Variants in PRKAR1A observed in about 807,000 individuals in gnomAD.
PRKAR1A encodes the protein cAMP-dependent protein kinase type I-alpha regulatory subunit.
Under a neutral mutation model 52.0 loss-of-function variants are expected in PRKAR1A, and 3 were observed. The observed-to-expected ratio is 0.06, with a 90% CI of 0.03 to 0.15. PRKAR1A has a LOEUF of 0.15. Ranked by LOEUF, PRKAR1A falls within the 10% of genes least tolerant of loss-of-function variation. PRKAR1A has a pLI of 1.00. For synonymous variants in PRKAR1A, 188 were observed against 168.4 expected (o/e 1.12, Z -0.90); for missense variants, 240 against 477.4 (o/e 0.50, Z 4.63).
At chr17:68,489,222 ATATATATG>A in the PRKAR1A span, among the ~76,000 whole-genome samples, 1 of 56,122 alleles carries the variant, frequency 1.8e-5, no homozygotes, top group Non-Finnish European at 3.0e-5. Flanking sequence ...ATATATATAT[ATATATATG>A]GAAAGTATAT....
At chr17:68,488,311 G>T in the PRKAR1A span, among the ~76,000 whole-genome samples, 17 of 152,150 alleles carry the variant, frequency 1.1e-4, no homozygotes, top group Non-Finnish European at 2.2e-4. Flanking sequence ...CAGATCTAAG[G>T]AGCTTGCACG....
At chr17:68,425,125 C>T in the PRKAR1A span, among the ~76,000 whole-genome samples, 202 of 152,348 alleles carry the variant, frequency 1.3e-3, no homozygotes, top group Admixed American at 4.4e-3. Context: ...ACAGGCTGAG[C>T]AGGTTGCTGG....
the PRKAR1A span, among the ~76,000 whole-genome samples, chr17:68,449,146 T>A: frequency 1.3e-5 from 2 of 152,248 alleles, no homozygotes; most frequent in Non-Finnish European, 2.9e-5. Context: ...TTGTCCTCAA[T>A]GAATGCAGCA....
At chr17:68,487,164 G>A in the PRKAR1A span, among the ~76,000 whole-genome samples, 19 of 152,270 alleles carry the variant, frequency 1.2e-4, no homozygotes, top group South Asian at 2.1e-4. Context: ...GAGCCACTGC[G>A]CCCGGCCTGT....
the PRKAR1A span, chr17:68,428,601 C>G: frequency 2.1e-6 from 1 of 473,470 alleles, no homozygotes; most frequent in South Asian, 2.2e-5. Flanking sequence ...GAGGGGGAGA[C>G]CATCTTGTGT....
At chr17:68,521,878 C>T (rs2085622203) in intron 2 of PRKAR1A, among the ~76,000 whole-genome samples, 1 of 151,934 alleles carries the variant, frequency 6.6e-6, no homozygotes, top group South Asian at 2.1e-4. Context: ...TTCCCTTTTA[C>T]TTCAGGCACA....
In PRKAR1A at chr17:68,524,008, T is replaced by G; in HGVS notation, c.441-8T>G. ...GAAATGTAACACGAGGCCTTCTCTC[T>G]TTTGCAGTGATATTTTTGATGCCAT... On this transcript the variant is annotated splice_polypyrimidine_tract_variant and splice_region_variant and intron_variant, in intron 4 of 10. Coordinates refer to ENST00000589228, the MANE Select transcript of PRKAR1A (RefSeq NM_002734.5). The G allele has an allele frequency of 1.2e-6, 2 of 1,614,050 alleles. No individual in the cohort carries two copies. Among genetic ancestry groups the G allele is most frequent in the African/African-American group, 1.3e-5 (1 of 75,050 alleles).
At position 68,541,451 on chromosome 17, in the gene PRKAR1A, TTC is replaced by T. The variant is rs370539982; in HGVS notation, c.974-9631_974-9630del. The T allele has an allele frequency of 4.7e-5, 9 of 190,544 alleles. No homozygotes were observed. In the East Asian group the frequency reaches 1.2e-3, roughly 26 times the overall value. The allele number at this position is 190,544 out of a possible 1,614,324, so 11.8% of individuals were successfully genotyped here. On this transcript the variant is annotated intron_variant, in intron 11 of 11. Coordinates refer to the PRKAR1A transcript ENST00000585981. ...TAGGATCTGTCATGTCCTCCAGAAATTCTGCCTGGTTACTTCTTTTCCCACGA... is the reference window on the plus strand; with the variant it reads ...TAGGATCTGTCATGTCCTCCAGAAATTGCCTGGTTACTTCTTTTCCCACGA...
the PRKAR1A span, among the ~76,000 whole-genome samples, chr17:68,434,089 G>A: frequency 4.6e-5 from 7 of 152,168 alleles, no homozygotes; most frequent in African/African-American, 1.7e-4. Flanking sequence ...ATTTATGTGA[G>A]AAGAAACAAG....
intron 11 of PRKAR1A, chr17:68,543,522 A>G (rs1272270017): frequency 2.1e-6 from 2 of 963,780 alleles, no homozygotes; most frequent in Non-Finnish European, 3.3e-6. Context: ...ATAGAAAGCC[A>G]GAAGGAAGAA....
At chr17:68,488,255 AG>A in the PRKAR1A span, among the ~76,000 whole-genome samples, 3 of 152,132 alleles carry the variant, frequency 2.0e-5, no homozygotes, top group Non-Finnish European at 4.4e-5. Context: ...GGCTGGAGAA[AG>A]GTGGGAGCAG....
At chr17:68,426,242 T>TGGGTGG in the PRKAR1A span, 1 of 669,004 alleles carries the variant, frequency 1.5e-6, no homozygotes, top group Non-Finnish European at 2.2e-6. Context: ...ACCTGGCGGG[T>TGGGTGG]GGGGAGCGGG....
At chr17:68,417,916 G>C in the PRKAR1A span, among the ~76,000 whole-genome samples, 1 of 151,650 alleles carries the variant, frequency 6.6e-6, no homozygotes, top group African/African-American at 2.4e-5. Context: ...ATTTTTAGTA[G>C]AGACGGGGTT....
At chr17:68,480,617 G>A in the PRKAR1A span, among the ~76,000 whole-genome samples, 1 of 152,132 alleles carries the variant, frequency 6.6e-6, no homozygotes, top group South Asian at 2.1e-4. Flanking sequence ...GTGCAATCAT[G>A]GCTCACTGCA....
At chr17:68,461,616 T>A in the PRKAR1A span, among the ~76,000 whole-genome samples, 12 of 152,162 alleles carry the variant, frequency 7.9e-5, 1 homozygote, top group Non-Finnish European at 1.3e-4. This position sits in a 1 kb window ranked among gnomAD's most constrained non-coding sequence, Gnocchi z 4.6. Context: ...CAGGAAATAA[T>A]CTCCTTTCTC....
At chr17:68,440,075 C>G in the PRKAR1A span, among the ~76,000 whole-genome samples, 3 of 152,276 alleles carry the variant, frequency 2.0e-5, no homozygotes, top group Admixed American at 2.0e-4. Flanking sequence ...ACACTAGATG[C>G]TAACAAGAAA....
Position 68,531,996 on chromosome 17 carries a change from A to G in PRKAR1A, c.*1547A>G. 9.4e-7 allele frequency: 1 copy of G among 1,065,772 alleles called. No homozygotes were observed. The highest frequency in any genetic ancestry group is 1.1e-6 in the Non-Finnish European group (1 of 879,330). 66.0% of individuals were successfully genotyped at this position (1,065,772 alleles called of 1,614,324 possible). On this transcript the variant is annotated 3_prime_UTR_variant, in exon 11 of 11. Transcript: ENST00000589228. The stretch of plus-strand genomic sequence containing the variant: ...TCTCCTGCCCTTTCCCAGGTAATTT[A>G]AATTGGTCATGGTAGATTTTTTTCA...
At chr17:68,526,069 T>G (rs1203513538) in intron 7 of PRKAR1A, among the ~76,000 whole-genome samples, 157 bp downstream of exon 7, 1 of 152,256 alleles carries the variant, frequency 6.6e-6, no homozygotes, top group Non-Finnish European at 1.5e-5. Flanking sequence ...GCAAATACTT[T>G]GCATTAAGCC....
the PRKAR1A span, among the ~76,000 whole-genome samples, chr17:68,453,641 G>A: frequency 6.6e-6 from 1 of 151,930 alleles, no homozygotes; most frequent in Non-Finnish European, 1.5e-5. Flanking sequence ...ACCACGCCAG[G>A]CTAATTTTTG....
Sources: allele counts gnomAD v4.1 joint callset (sites outside exome capture counted in the v4.1 genomes callset), GRCh38; gene constraint gnomAD v4.1.1; non-coding constraint Gnocchi (gnomAD v3.1); transcripts MANE v1.5; gene names NCBI Gene and HGNC (gene_info 2026-07-23, HGNC 2026-07-21).